The following SKIL variants were observed in gnomAD, a reference collection of about 807,000 sequenced individuals.
SKIL encodes ski-like protein.
Under a neutral mutation model 69.6 loss-of-function variants are expected in SKIL, and 20 were observed. The observed-to-expected ratio is 0.29, with a 90% CI of 0.20 to 0.42. SKIL has a LOEUF of 0.42. SKIL is among the 10% of genes least tolerant of loss of function. The pLI, the probability that SKIL is intolerant of heterozygous loss-of-function variation, is 1.00. For missense variants in SKIL, 745 were observed against 783.1 expected, an observed-to-expected ratio of 0.95 and a Z score of 0.58; for synonymous variants, 310 against 279.9, an observed-to-expected ratio of 1.11 and a Z score of -1.08.
chr3:170,360,543 G>T lies in SKIL; in HGVS notation c.212G>T (p.Arg71Leu), dbSNP rs755378129. The change falls in exon 2 of 7, where the codon CGA (arginine) becomes CTA (leucine). Residue 71 changes from arginine to leucine, a missense_variant. Coordinates refer to ENST00000259119, the MANE Select transcript of SKIL (RefSeq NM_005414.5). ...GAAACTGATGGAGAGCATGTTAAGCGAACCTGTACTTCTGTTCCTGAAACT... is the reference window on the plus strand; with the variant it reads ...GAAACTGATGGAGAGCATGTTAAGCTAACCTGTACTTCTGTTCCTGAAACT... ...PVETDGEHVK[R>L]TCTSVPETLH... 2 of 1,614,198 alleles carry T rather than the reference G, an allele frequency of 1.2e-6. No individual in the cohort carries two copies. The highest frequency in any genetic ancestry group is 2.7e-5 in the African/African-American group (2 of 75,054).
At chr3:170,391,389 C>T (rs971950658) in intron 6 of SKIL, 129 bp downstream of exon 6, 2 of 602,354 alleles carry the variant, frequency 3.3e-6, no homozygotes, top group Non-Finnish European at 5.9e-6. Context: ...ACAATCTCAG[C>T]TCCCCACAAC....
rs181339277 is a variant in SKIL at position 170,386,944 on chromosome 3, A to G, written c.1429+2179A>G. Among the ~76,000 whole-genome samples, 13 of 152,336 alleles carry G rather than the reference A, an allele frequency of 8.5e-5. No individual in the cohort carries two copies. The East Asian group carries it at 2.3e-3, about 27-fold the overall frequency. ...CATAAAATTTACCCTTTTAAAGCCTACAATTCAGTGGTTTTTAATACATTC... is the reference window on the plus strand; with the variant it reads ...CATAAAATTTACCCTTTTAAAGCCTGCAATTCAGTGGTTTTTAATACATTC... On this transcript the variant is annotated intron_variant, in intron 4 of 6. Coordinates refer to ENST00000259119, the MANE Select transcript of SKIL (RefSeq NM_005414.5).
At chr3:170,364,874 A>G (rs1270866706) in intron 2 of SKIL, among the ~76,000 whole-genome samples, 1 of 152,106 alleles carries the variant, frequency 6.6e-6, no homozygotes, top group African/African-American at 2.4e-5. Context: ...CGATTTTAGG[A>G]AGGTGTGAGT....
chr3:170,361,581 C>T (rs1736236126), intron 2 of SKIL, 152 bp downstream of exon 2: 1 of 655,162 alleles, frequency 1.5e-6, no homozygotes, highest in East Asian at 2.8e-5. Flanking sequence ...AGTTTTTAGG[C>T]CATAAAGTGC....
At chr3:170,379,484 C>CCG (rs1553854058) in intron 2 of SKIL, among the ~76,000 whole-genome samples, 27 of 151,690 alleles carry the variant, frequency 1.8e-4, no homozygotes, top group Admixed American at 1.5e-3. Flanking sequence ...TCTTGCCCCC[C>CCG]CTTTTAAGTA....
At chr3:170,363,032 TAA>T (rs1736323590) in intron 2 of SKIL, among the ~76,000 whole-genome samples, 2 of 151,938 alleles carry the variant, frequency 1.3e-5, no homozygotes, top group African/African-American at 2.4e-5. Context: ...TTCCTAACAC[TAA>T]GTGTTTAAAA....
At chr3:170,365,052 T>C (rs1425381160) in intron 2 of SKIL, among the ~76,000 whole-genome samples, 1 of 152,264 alleles carries the variant, frequency 6.6e-6, no homozygotes, top group Admixed American at 6.5e-5. Context: ...GGTTCATATT[T>C]AATACGTACT....
At chr3:170,358,224 G>C (rs1261907505) in intron 1 of SKIL, among the ~76,000 whole-genome samples, 1 of 152,160 alleles carries the variant, frequency 6.6e-6, no homozygotes, top group African/African-American at 2.4e-5. Context: ...GGCGCGGGGA[G>C]GTGCAGCATT....
In SKIL at chr3:170,378,263, G is replaced by T. The variant is rs569673336; in HGVS notation, c.1099-2981G>T. On this transcript the variant is annotated intron_variant, in intron 2 of 6. Transcript: ENST00000259119. ...TTTTAAGATACATATTCTAAGAGCGGTTTCCTTTCTGTTTTCAGCCTGTTT... is the reference window on the plus strand; with the variant it reads ...TTTTAAGATACATATTCTAAGAGCGTTTTCCTTTCTGTTTTCAGCCTGTTT... Among the ~76,000 whole-genome samples the T allele has an allele frequency of 2.0e-5, 3 of 152,302 alleles. No individual in the cohort carries two copies. The East Asian group carries it at 5.8e-4, about 29-fold the overall frequency.
intron 2 of SKIL, among the ~76,000 whole-genome samples, chr3:170,361,983 C>T (rs950552803): frequency 6.6e-6 from 1 of 152,150 alleles, no homozygotes; most frequent in African/African-American, 2.4e-5. Context: ...TTGGTGTTAT[C>T]TCCATTTGCA....
Position 170,396,435 on chromosome 3 carries a change from A to C in SKIL, c.*4018A>C, listed in dbSNP as rs1209148372. ...TAAGCCAACATAGTAGTCTTAAATTACTTTTGAATTTCTAATCTGTGAAGG... is the reference window on the plus strand; with the variant it reads ...TAAGCCAACATAGTAGTCTTAAATTCCTTTTGAATTTCTAATCTGTGAAGG... On this transcript the variant is annotated 3_prime_UTR_variant, in exon 7 of 7. Transcript: ENST00000259119. The C allele has an allele frequency of 2.0e-5, 3 of 152,184 alleles. No homozygotes were observed. Among genetic ancestry groups the C allele is most frequent in the Non-Finnish European group, 2.9e-5 (2 of 68,010 alleles). The allele number at this position is 152,184 out of a possible 1,614,324, so 9.4% of individuals were successfully genotyped here.
At chr3:170,362,071 A>G (rs780930250) in intron 2 of SKIL, among the ~76,000 whole-genome samples, 1 of 152,216 alleles carries the variant, frequency 6.6e-6, no homozygotes, top group Non-Finnish European at 1.5e-5. Context: ...TGATGTTTCT[A>G]TGTTTGGATA....
rs747932092 is a variant in SKIL at position 170,390,311 on chromosome 3, TGGCCTTGTTGCTGCC to T, written c.1520_1534del (p.Gly507_Ala511del). 3 of 1,613,900 alleles carry T rather than the reference TGGCCTTGTTGCTGCC, an allele frequency of 1.9e-6. No homozygotes were observed. In the African/African-American group the frequency reaches 4.0e-5, roughly 22 times the overall value. ...TCAGAGACATAAACAAAGTGGGAAT[TGGCCTTGTTGCTGCC>T]GCTTCATCTCCGCTTCTTGTGAAAG... On this transcript the variant is annotated inframe_deletion, in exon 5 of 7. Transcript: ENST00000259119.
chr3:170,378,683 G>A (rs900788765), intron 2 of SKIL, among the ~76,000 whole-genome samples: 7 of 149,062 alleles, frequency 4.7e-5, no homozygotes, highest in Non-Finnish European at 7.4e-5. Flanking sequence ...ACCCAAGTAG[G>A]TGGGATTACA....
intron 1 of SKIL, chr3:170,358,731 GTCTTT>G (rs1306842467): frequency 2.6e-5 from 4 of 152,208 alleles, no homozygotes; most frequent in African/African-American, 4.8e-5. Flanking sequence ...TGGAAAAAGA[GTCTTT>G]TCTTTTTCCC....
rs1381186409 is a variant in SKIL, at chr3:170,381,309, T to G, written c.1164T>G (p.His388Gln). ...CTGTTATAAAGCAGGAAGGTGACCA[T>G]GTTTCTCAGACACATTCATTTTTAC... ...WYPVIKQEGD[H>Q]VSQTHSFLHP... is the part of the protein sequence containing the mutation. The change falls in exon 3 of 7, where the codon CAT becomes CAG. Residue 388 changes from histidine to glutamine, a missense_variant. Physicochemically the swap from His to Gln is conservative, Grantham distance 24. Coordinates refer to ENST00000259119, the MANE Select transcript of SKIL (RefSeq NM_005414.5). 1 of 1,592,452 alleles carries G rather than the reference T, an allele frequency of 6.3e-7. No homozygotes were observed. Among genetic ancestry groups the G allele is most frequent in the African/African-American group, 1.3e-5 (1 of 74,620 alleles).
In SKIL at chr3:170,393,367, C is replaced by T. The variant is rs919506938; in HGVS notation, c.*950C>T. 1 of 152,010 alleles carries T rather than the reference C, an allele frequency of 6.6e-6. No individual in the cohort carries two copies. The highest frequency in any genetic ancestry group is 2.4e-5 in the African/African-American group (1 of 41,380). 9.4% of individuals were successfully genotyped at this position (152,010 alleles called of 1,614,324 possible). A position where few individuals can be genotyped will look rare whatever the true frequency, so the allele number is the denominator to read the frequency against. On this transcript the variant is annotated 3_prime_UTR_variant, in exon 7 of 7. Transcript: ENST00000259119. ...TAAACACCTTGAAGGTTATTTTGGA[C>T]TTCTGTATGTTTAAATGTTGTCTTA... is the stretch of plus-strand genomic sequence containing the variant.
chr3:170,381,567 G>C (rs1440332048), intron 3 of SKIL, among the ~76,000 whole-genome samples: 1 of 151,798 alleles, frequency 6.6e-6, no homozygotes, highest in Non-Finnish European at 1.5e-5. Flanking sequence ...CGAGTAGCGG[G>C]GACTACAGGC....
chr3:170,394,957 T>C lies in SKIL; in HGVS notation c.*2540T>C, dbSNP rs1159741126. ...TAAAGTTTGATTTGTTGTTACTCTT[T>C]GTGTGCCAAATTCACTAGGCAAGCG... is the stretch of plus-strand genomic sequence containing the variant. On this transcript the variant is annotated 3_prime_UTR_variant, in exon 7 of 7. Coordinates refer to ENST00000259119, the MANE Select transcript of SKIL (RefSeq NM_005414.5). The C allele has an allele frequency of 6.6e-6, 1 of 152,178 alleles. No individual in the cohort carries two copies. The highest frequency in any genetic ancestry group is 1.5e-5 in the Non-Finnish European group (1 of 67,996). The allele number at this position is 152,178 out of a possible 1,614,324, so 9.4% of individuals were successfully genotyped here. A position where few individuals can be genotyped will look rare whatever the true frequency, so the allele number is the denominator to read the frequency against.
Sources: allele counts gnomAD v4.1 joint callset (sites outside exome capture counted in the v4.1 genomes callset), GRCh38; gene constraint gnomAD v4.1.1; transcripts MANE v1.5; gene names NCBI Gene and HGNC (gene_info 2026-07-23, HGNC 2026-07-21).